Variants in SLMAP observed in about 807,000 individuals in gnomAD.
The protein encoded by SLMAP is sarcolemmal membrane-associated protein.
SLMAP carries 44 observed loss-of-function variants against 128.8 expected under a neutral mutation model. That is an observed-to-expected ratio of 0.34 (90% CI 0.27 to 0.44). The LOEUF (loss-of-function observed/expected upper bound fraction) is 0.44. Ranked by LOEUF, SLMAP falls within the 20% of genes least tolerant of loss-of-function variation. The pLI is 1.00. For synonymous variants in SLMAP, 327 were observed against 348.8 expected, an observed-to-expected ratio of 0.94 and a Z score of 0.70; for missense variants, 787 against 985.3, an observed-to-expected ratio of 0.80 and a Z score of 2.69.
chr3:57,818,550 G>A (rs1037068736), intron 2 of SLMAP, among the ~76,000 whole-genome samples: 5 of 152,182 alleles, frequency 3.3e-5, no homozygotes, highest in Non-Finnish European at 7.3e-5. Context: ...ATGCAGAGTA[G>A]TTTATCCAAG....
At chr3:57,783,673 A>G (rs1252848178) in intron 2 of SLMAP, among the ~76,000 whole-genome samples, 1 of 152,234 alleles carries the variant, frequency 6.6e-6, no homozygotes, top group Non-Finnish European at 1.5e-5. Flanking sequence ...GGTGTGGCCA[A>G]GTAACTGTTT....
intron 17 of SLMAP, among the ~76,000 whole-genome samples, chr3:57,907,646 A>G (rs1249389916): frequency 6.6e-6 from 1 of 152,186 alleles, no homozygotes; most frequent in African/African-American, 2.4e-5. Flanking sequence ...TTGTGAATAT[A>G]TAATTTATGT....
intron 2 of SLMAP, among the ~76,000 whole-genome samples, chr3:57,764,510 AAAG>A (rs1286313026): frequency 6.6e-5 from 10 of 151,390 alleles, no homozygotes; most frequent in Non-Finnish European, 1.0e-4. Context: ...TCAAAAAAAA[AAAG>A]AAAAGAAAAG....
At chr3:57,818,375 G>A (rs1262619124) in intron 2 of SLMAP, among the ~76,000 whole-genome samples, 6 of 152,076 alleles carry the variant, frequency 3.9e-5, no homozygotes, top group Non-Finnish European at 8.8e-5. Flanking sequence ...GGCTGGTCTC[G>A]AACTCCCGAC....
chr3:57,772,187 T>C (rs971436287), intron 2 of SLMAP, among the ~76,000 whole-genome samples: 1 of 152,206 alleles, frequency 6.6e-6, no homozygotes, highest in African/African-American at 2.4e-5. Context: ...CCTGAAGATT[T>C]AGGGTAGAGA....
chr3:57,780,959 G>A (rs915640995), intron 2 of SLMAP, among the ~76,000 whole-genome samples: 33 of 150,974 alleles, frequency 2.2e-4, no homozygotes, highest in African/African-American at 7.5e-4. Context: ...TTTAAAGATA[G>A]AATAAGATAT....
chr3:57,906,210 C>G (rs2096535965), intron 17 of SLMAP, among the ~76,000 whole-genome samples: 1 of 151,066 alleles, frequency 6.6e-6, no homozygotes, highest in African/African-American at 2.4e-5. Flanking sequence ...AAATCTCTCT[C>G]TCTACATGCC....
rs530295394 is a variant in SLMAP at position 57,881,193 on chromosome 3, C to CA, written c.1301-8837dup. Among the ~76,000 whole-genome samples, 474 of 143,098 alleles carry CA rather than the reference C, an allele frequency of 3.3e-3. 2 individuals carry two copies. The highest frequency in any genetic ancestry group is 5.7e-3 in the Non-Finnish European group (369 of 65,190). 93.9% of individuals were successfully genotyped at this position (143,098 alleles called of 152,430 possible). On this transcript the variant is annotated intron_variant, in intron 14 of 24. Coordinates refer to ENST00000671191, the MANE Select transcript of SLMAP (RefSeq NM_001377540.1). ...TGGATGACAGAGCGAGACTCCATCT[C>CA]AAAAAAAAAAAGTTTTAAAAAAGAA...
At chr3:57,761,296 TTG>T (rs2078586922) in intron 2 of SLMAP, among the ~76,000 whole-genome samples, 1 of 151,836 alleles carries the variant, frequency 6.6e-6, no homozygotes. Flanking sequence ...GTTTTTGTTT[TTG>T]TTTTTTGTTT....
Position 57,925,856 on chromosome 3 carries a change from A to T in SLMAP, c.2457A>T (p.Leu819Phe). Reference protein sequence around the residue: ...LREKGNNPSILQPVPAVFIGL... With the variant: ...LREKGNNPSIFQPVPAVFIGL... ...CTTCCCTTCTTTAGCCTTCCATATT[A>T]CAACCCGTCCCAGCCGTATTCATCG... The change falls in exon 24 of 25, where the codon TTA becomes TTT. Residue 819 changes from leucine to phenylalanine, a missense_variant. Leu to Phe is a conservative substitution (Grantham distance 22). Coordinates refer to ENST00000671191, the MANE Select transcript of SLMAP (RefSeq NM_001377540.1). 6.4e-7 allele frequency: 1 copy of T among 1,550,820 alleles called. No homozygotes were observed. Among genetic ancestry groups the T allele is most frequent in the Non-Finnish European group, 8.7e-7 (1 of 1,146,834 alleles).
chr3:57,886,932 G>A (rs1272316608), intron 14 of SLMAP, among the ~76,000 whole-genome samples: 1 of 152,058 alleles, frequency 6.6e-6, no homozygotes, highest in African/African-American at 2.4e-5. Context: ...GTGAGGTGGA[G>A]GTGGGGAATA....
chr3:57,875,128 A>G (rs1421223304), intron 14 of SLMAP, among the ~76,000 whole-genome samples: 1 of 152,188 alleles, frequency 6.6e-6, no homozygotes, highest in Non-Finnish European at 1.5e-5. Context: ...GTTTATGAGG[A>G]CTGTGTAATA....
chr3:57,769,435 C>T lies in SLMAP; in HGVS notation c.198+11586C>T, dbSNP rs528020430. 4.6e-5 allele frequency among the ~76,000 whole-genome samples: 7 copies of T among 152,132 alleles called. No homozygotes were observed. In the East Asian group the frequency reaches 5.8e-4, roughly 13 times the overall value. On this transcript the variant is annotated intron_variant, in intron 2 of 24. Coordinates refer to ENST00000671191, the MANE Select transcript of SLMAP (RefSeq NM_001377540.1). ...GTCTCGATCTCCTGACCTCGTGATC[C>T]GCCCGCCTTGGCCTCCCAAAGTGCT...
intron 14 of SLMAP, among the ~76,000 whole-genome samples, chr3:57,882,828 T>A (rs917051725): frequency 2.4e-4 from 36 of 152,194 alleles, no homozygotes; most frequent in Admixed American, 7.2e-4. Context: ...GTGTTTATAA[T>A]TTTTAAACAT....
At position 57,757,823 on chromosome 3, in the gene SLMAP, G is replaced by C. The variant is rs540039526; in HGVS notation, c.172G>C (p.Val58Leu). 5.0e-6 allele frequency: 8 copies of C among 1,614,170 alleles called. No homozygotes were observed. The highest frequency in any genetic ancestry group is 1.3e-5 in the African/African-American group (1 of 75,048). ...CKVLSRNHAL[V>L]WFDHKTGKFY... ...AGTGCTATCAAGGAACCACGCTCTC[G>C]TCTGGTTTGATCACAAGACGGGCAA... Residue 58 changes from valine to leucine, a missense_variant, in exon 2 of 25, where the codon GTC becomes CTC. This residue lies in a region of SLMAP where 72 missense variants were observed against 141.8 expected (regional missense o/e 0.51). Transcript: ENST00000671191.
chr3:57,862,190 C>A, intron 10 of SLMAP, 104 bp downstream of exon 10: 1 of 866,998 alleles, frequency 1.2e-6, no homozygotes, highest in Non-Finnish European at 1.8e-6. Flanking sequence ...GGGTGGCGGG[C>A]GCCTGTAATC....
At chr3:57,860,861 TACTA>T (rs1560289393) in intron 9 of SLMAP, 22 bp downstream of exon 9, 2 of 1,528,346 alleles carry the variant, frequency 1.3e-6, no homozygotes, top group Non-Finnish European at 1.8e-6. Flanking sequence ...AAAAAAAAAA[TACTA>T]AATAGTATTA....
intron 14 of SLMAP, among the ~76,000 whole-genome samples, chr3:57,885,928 C>T (rs9872373): frequency 0.31 from 45,512 of 145,690 alleles, 7,279 homozygotes; most frequent in East Asian, 0.48. Context: ...GGATTACAGG[C>T]GTGCATCACC....
At chr3:57,817,585 G>A (rs924556560) in intron 2 of SLMAP, among the ~76,000 whole-genome samples, 1 of 152,150 alleles carries the variant, frequency 6.6e-6, no homozygotes, top group Non-Finnish European at 1.5e-5. Flanking sequence ...GAGTCTAAGC[G>A]GCCTTGTTTG....
Sources: gnomAD v4.1 joint callset for allele counts (sites outside exome capture counted in the v4.1 genomes callset) on GRCh38, gnomAD v4.1.1 for gene constraint, gnomAD v4.1.1 regional missense constraint, MANE v1.5 for transcripts, NCBI Gene and HGNC (gene_info 2026-07-23, HGNC 2026-07-21) for gene names.